The following MYO9B variants were observed in gnomAD, a reference collection of about 807,000 sequenced individuals.
MYO9B encodes the protein unconventional myosin-IXb.
Under a neutral mutation model 229.5 loss-of-function variants are expected in MYO9B, and 71 were observed. The observed-to-expected ratio is 0.31, with a 90% CI of 0.26 to 0.38. The LOEUF (loss-of-function observed/expected upper bound fraction) is 0.38, where lower values mean the gene tolerates loss of function less well. Ranked by LOEUF, MYO9B falls within the 10% of genes least tolerant of loss-of-function variation. The pLI, the probability that MYO9B is intolerant of heterozygous loss-of-function variation, is 1.00. For missense variants in MYO9B, 2,255 were observed against 2,920.5 expected (o/e 0.77, Z 5.25); for synonymous variants, 1,185 against 1,235.8 (o/e 0.96, Z 0.86).
chr19:17,084,282 GA>G (rs1367279172), intron 1 of MYO9B, among the ~76,000 whole-genome samples: 1 of 151,724 alleles, frequency 6.6e-6, no homozygotes, highest in East Asian at 1.9e-4. Context: ...AGGCTGCAGT[GA>G]GCCAAGATGG....
rs2072469426 is a variant in MYO9B, at chr19:17,150,891, C to T, written c.936-1753C>T. 1.4e-5 allele frequency among the ~76,000 whole-genome samples: 2 copies of T among 141,578 alleles called. 1 individual carries two copies. The highest frequency in any genetic ancestry group is 3.2e-5 in the Non-Finnish European group (2 of 61,966). 92.9% of individuals were successfully genotyped at this position (141,578 alleles called of 152,430 possible). ...ACACCCCAGTCCCTGTGCTGGTACCCTCAGACTCAAGGTCCCACATGATGC... is the reference window on the plus strand; with the variant it reads ...ACACCCCAGTCCCTGTGCTGGTACCTTCAGACTCAAGGTCCCACATGATGC... On this transcript the variant is annotated intron_variant, in intron 3 of 39. Transcript: ENST00000682292.
rs754559421 is a variant in MYO9B at position 17,195,168 on chromosome 19, G to A, written c.3741G>A (p.Gln1247=). The A allele has an allele frequency of 5.6e-5, 90 of 1,611,268 alleles. No individual in the cohort carries two copies. Among genetic ancestry groups the A allele is most frequent in the Non-Finnish European group, 7.3e-5 (86 of 1,179,382 alleles). ...CCAGTGGGAGCCCCAGGCCTGGCCA[G>A]TTGGAGCGGCCGACCAGCCTGGCCC... The part of the protein sequence containing the change: ...TLPSGSPRPG[Q]LERPTSLALD... The change falls in exon 22 of 40, where the codon CAG becomes CAA. Residue 1247 remains glutamine, a synonymous_variant. Coordinates refer to ENST00000682292, the MANE Select transcript of MYO9B (RefSeq NM_004145.4). The surrounding 1 kb of genome is among the most constrained non-coding windows in gnomAD (Gnocchi z 4.5).
chr19:17,132,182 T>C (rs1030575673), intron 2 of MYO9B, among the ~76,000 whole-genome samples: 2 of 129,214 alleles, frequency 1.5e-5, no homozygotes, highest in Non-Finnish European at 3.3e-5. Context: ...TTATTTCTTT[T>C]TTTTTTTTTT....
At chr19:17,109,121 A>G (rs2057822933) in intron 2 of MYO9B, among the ~76,000 whole-genome samples, 5 of 150,408 alleles carry the variant, frequency 3.3e-5, no homozygotes, top group Admixed American at 2.7e-4. Flanking sequence ...GCTGGAGTGC[A>G]GTGGCGCGAT....
chr19:17,102,310 A>G lies in MYO9B; in HGVS notation c.593A>G (p.Lys198Arg). ...AAGTTCCTGCCCATCTACAACCCCA[A>G]GTACGTGAAGATGTATGAGAACCAG... ...PFKFLPIYNP[K>R]YVKMYENQQL... The change falls in exon 2 of 40, where the codon AAG (lysine) becomes AGG (arginine). Residue 198 changes from lysine (K) to arginine (R), a missense_variant. Physicochemically the swap from Lys to Arg is conservative, Grantham distance 26. Coordinates refer to ENST00000682292, the MANE Select transcript of MYO9B (RefSeq NM_004145.4). 1 of 1,614,036 alleles carries G rather than the reference A, an allele frequency of 6.2e-7. No homozygotes were observed. Among genetic ancestry groups the G allele is most frequent in the East Asian group, 2.2e-5 (1 of 44,882 alleles).
At chr19:17,138,440 G>A (rs1196368660) in intron 2 of MYO9B, among the ~76,000 whole-genome samples, 1 of 152,094 alleles carries the variant, frequency 6.6e-6, no homozygotes, top group Non-Finnish European at 1.5e-5. Flanking sequence ...TGCATACCTG[G>A]CTAATTTTTT....
In MYO9B at chr19:17,193,332, G is replaced by A. The variant is rs1015758948; in HGVS notation, c.3128+270G>A. Among the ~76,000 whole-genome samples, 6 of 152,190 alleles carry A rather than the reference G, an allele frequency of 3.9e-5. No individual in the cohort carries two copies. Among genetic ancestry groups the A allele is most frequent in the East Asian group, 1.9e-4 (1 of 5,194 alleles). On this transcript the variant is annotated intron_variant, in intron 21 of 39. Coordinates refer to ENST00000682292, the MANE Select transcript of MYO9B (RefSeq NM_004145.4). This position sits in a 1 kb window ranked among gnomAD's most constrained non-coding sequence, Gnocchi z 4.3. The stretch of plus-strand genomic sequence containing the variant: ...CCAGGGACTCCCCTGTACCTGGATC[G>A]GTCAGGGAACACCTGGATTCAGGGT...
intron 2 of MYO9B, among the ~76,000 whole-genome samples, chr19:17,122,934 A>G (rs932796367): frequency 6.6e-6 from 1 of 152,192 alleles, no homozygotes; most frequent in Non-Finnish European, 1.5e-5. Flanking sequence ...TGTCTCTACA[A>G]TAATTAAAAA....
intron 3 of MYO9B, among the ~76,000 whole-genome samples, chr19:17,147,530 G>A (rs1263436670): frequency 3.1e-5 from 3 of 97,646 alleles, no homozygotes; most frequent in African/African-American, 1.4e-4. Context: ...GGTGACGAGC[G>A]AAAGTCCATC....
chr19:17,210,286 T>C (rs1197741751), intron 36 of MYO9B, 47 bp from the exon 37 acceptor site: 16 of 1,530,982 alleles, frequency 1.0e-5, no homozygotes, highest in South Asian at 3.7e-5. Flanking sequence ...CTCATGCCTG[T>C]GTCTGTCTTG....
chr19:17,134,381 G>GTTTTTTTTTTTTTTTTTTTTTT (rs869297825), intron 2 of MYO9B, among the ~76,000 whole-genome samples: 4 of 46,472 alleles, frequency 8.6e-5, no homozygotes, highest in Non-Finnish European at 1.5e-4. Context: ...CGTTTTGTTT[G>GTTTTTTTTTTTTTTTTTTTTTT]TTTTTTTTTT....
At position 17,152,525 on chromosome 19, in the gene MYO9B, T is replaced by TGTGG. The variant is rs1435128509; in HGVS notation, c.936-117_936-116insGGGT. The TGTGG allele has an allele frequency of 3.6e-5, 27 of 749,098 alleles. No individual in the cohort carries two copies. In the South Asian group the frequency reaches 4.2e-4, roughly 12 times the overall value. 46.4% of individuals were successfully genotyped at this position (749,098 alleles called of 1,614,324 possible). ...TTGCAGTGAGCCGAGATTGTGCCGT[T>TGTGG]GTACTCCAGCCTGAACAACAGAGCG... On this transcript the variant is annotated intron_variant, in intron 3 of 39. Transcript: ENST00000682292.
intron 2 of MYO9B, among the ~76,000 whole-genome samples, chr19:17,114,384 TCTCA>T (rs769440842): frequency 7.2e-5 from 11 of 152,002 alleles, no homozygotes; most frequent in African/African-American, 1.2e-4. Context: ...CCTCCTCACC[TCTCA>T]CTCATTGCCC....
intron 11 of MYO9B, among the ~76,000 whole-genome samples, chr19:17,170,661 A>C (rs2072713607): frequency 1.3e-5 from 2 of 148,524 alleles, no homozygotes; most frequent in South Asian, 2.1e-4. Context: ...AAAAAAAAAA[A>C]AAAAAAAAAA....
At chr19:17,176,938 C>T (rs1428633187) in intron 14 of MYO9B, among the ~76,000 whole-genome samples, 2 of 152,162 alleles carry the variant, frequency 1.3e-5, no homozygotes, top group Non-Finnish European at 2.9e-5. Context: ...TGATGGTGCA[C>T]GCCTGTAATC....
At chr19:17,175,766 A>G in intron 14 of MYO9B, 25 bp downstream of exon 14, 1 of 1,535,338 alleles carries the variant, frequency 6.5e-7, no homozygotes, top group Non-Finnish European at 8.9e-7. Flanking sequence ...GATTTGCCCA[A>G]ACTGAAATCA....
intron 30 of MYO9B, among the ~76,000 whole-genome samples, chr19:17,203,522 A>T (rs2073129510): frequency 6.6e-6 from 1 of 151,616 alleles, no homozygotes; most frequent in African/African-American, 2.4e-5. Flanking sequence ...CTGAGGCAGG[A>T]GAATCACTTG....
chr19:17,082,276 C>T (rs1399806219), intron 1 of MYO9B, among the ~76,000 whole-genome samples: 1 of 152,102 alleles, frequency 6.6e-6, no homozygotes, highest in African/African-American at 2.4e-5. Flanking sequence ...CGGCAGCAGG[C>T]GAGCCTGTGA....
intron 8 of MYO9B, 73 bp downstream of exon 8, chr19:17,159,557 G>T: frequency 7.9e-7 from 1 of 1,268,332 alleles, no homozygotes; most frequent in South Asian, 1.3e-5. Flanking sequence ...GGAAAGAGCC[G>T]GCATGGGTGG....
Sources: gnomAD v4.1 joint callset for allele counts (sites outside exome capture counted in the v4.1 genomes callset) on GRCh38, gnomAD v4.1.1 for gene constraint, Gnocchi (gnomAD v3.1) non-coding constraint, MANE v1.5 for transcripts, NCBI Gene and HGNC (gene_info 2026-07-23, HGNC 2026-07-21) for gene names.